Variants in FLYWCH1 observed in about 807,000 individuals in gnomAD.
The protein encoded by FLYWCH1 is FLYWCH-type zinc finger 1, also known as FLYWCH-type zinc finger-containing protein 1.
In FLYWCH1, 75 loss-of-function variants were observed where a neutral mutation model predicts 66.4. The ratio of observed to expected loss-of-function variants is 1.13; its 90% CI spans 0.94 to 1.37. The LOEUF is 1.37. Among genes scored for constraint, FLYWCH1 ranks in the 40% most tolerant of loss-of-function variants. FLYWCH1 has a pLI of 0.00. For missense variants in FLYWCH1, 1,334 were observed against 1,001.8 expected (o/e 1.33, Z -4.48); for synonymous variants, 595 against 429.9 (o/e 1.38, Z -4.75).
At chr16:2,934,556 C>A in intron 6 of FLYWCH1, 1 of 443,180 alleles carries the variant, frequency 2.3e-6, no homozygotes, top group South Asian at 1.6e-5. Flanking sequence ...TAGCGTCTGG[C>A]TGAGGAGCCA....
intron 9 of FLYWCH1, among the ~76,000 whole-genome samples, chr16:2,946,851 G>A (rs1471093730): frequency 6.6e-6 from 1 of 152,142 alleles, no homozygotes; most frequent in African/African-American, 2.4e-5. Flanking sequence ...CAGCTAACAA[G>A]TGTTGGTGAC....
intron 2 of FLYWCH1, among the ~76,000 whole-genome samples, chr16:2,922,059 A>T (rs981166484): frequency 6.6e-6 from 1 of 152,046 alleles, no homozygotes; most frequent in African/African-American, 2.4e-5. Flanking sequence ...TGACAGAGTT[A>T]AAAAAAAGAA....
chr16:2,933,825 G>C lies in FLYWCH1; in HGVS notation c.1359G>C (p.Arg453=). ...AAGEKVYWTC[R]DQARMGCRSR... Reference sequence around the variant, plus strand: ...GGGAGAAGGTGTATTGGACCTGCCGGGACCAGGCCCGCATGGGCTGCCGCA... The same window carrying C: ...GGGAGAAGGTGTATTGGACCTGCCGCGACCAGGCCCGCATGGGCTGCCGCA... Residue 453 remains arginine, a synonymous_variant, in exon 6 of 10, where the codon CGG becomes CGC. Transcript: ENST00000253928. 1.2e-6 allele frequency: 2 copies of C among 1,609,234 alleles called. No homozygotes were observed. Among genetic ancestry groups the C allele is most frequent in the Non-Finnish European group, 1.7e-6 (2 of 1,178,238 alleles).
At position 2,929,830 on chromosome 16, in the gene FLYWCH1, G is replaced by C; in HGVS notation, c.145G>C (p.Asp49His). The change falls in exon 3 of 10, where the codon GAC (aspartate) becomes CAC (histidine). Residue 49 changes from aspartate to histidine, a missense_variant. Coordinates refer to ENST00000253928, the MANE Select transcript of FLYWCH1 (RefSeq NM_001308068.2). ...FSKLVLLTAS[D>H]QDEDGVGSKP... ...CAAACTGGTGCTGCTCACAGCCTCC[G>C]ACCAAGATGAGGATGGGGTGGGATC... 1 of 1,613,934 alleles carries C rather than the reference G, an allele frequency of 6.2e-7. No individual in the cohort carries two copies. Among genetic ancestry groups the C allele is most frequent in the East Asian group, 2.2e-5 (1 of 44,884 alleles).
chr16:2,948,983 A>G lies in FLYWCH1; in HGVS notation c.*256A>G, dbSNP rs926356651. 1.6e-5 allele frequency: 8 copies of G among 512,340 alleles called. No individual in the cohort carries two copies. Among genetic ancestry groups the G allele is most frequent in the African/African-American group, 1.4e-4 (7 of 51,726 alleles). The allele number at this position is 512,340 out of a possible 1,614,324, so 31.7% of individuals were successfully genotyped here. On this transcript the variant is annotated 3_prime_UTR_variant, in exon 10 of 10. Coordinates refer to ENST00000253928, the MANE Select transcript of FLYWCH1 (RefSeq NM_001308068.2). Reference sequence around the variant, plus strand: ...GGGGCAGGGCGGTGGCGCCTTCCTGACCTTTGGAAGACATGACAAAGCTGC... The same window carrying G: ...GGGGCAGGGCGGTGGCGCCTTCCTGGCCTTTGGAAGACATGACAAAGCTGC...
At chr16:2,919,535 A>T (rs1475545532) in intron 2 of FLYWCH1, among the ~76,000 whole-genome samples, 1 of 152,044 alleles carries the variant, frequency 6.6e-6, no homozygotes, top group Non-Finnish European at 1.5e-5. Flanking sequence ...AAGTGCTGGG[A>T]TTACAGGCGT....
At chr16:2,941,130 G>A (rs755687572) in intron 9 of FLYWCH1, among the ~76,000 whole-genome samples, 20 of 152,064 alleles carry the variant, frequency 1.3e-4, no homozygotes, top group Admixed American at 9.2e-4. Context: ...TCAGAAATAC[G>A]TAGAAATTAA....
Position 2,930,005 on chromosome 16 carries a change from A to G in FLYWCH1, c.320A>G (p.Asp107Gly), listed in dbSNP as rs146665306. The G allele has an allele frequency of 6.4e-3, 10,302 of 1,602,656 alleles. 47 individuals are homozygous for G. The highest frequency in any genetic ancestry group is 8.0e-3 in the Non-Finnish European group (9,370 of 1,171,562). The part of the protein sequence containing the change: ...EMPEQKCSKL[D>G]AAAPQSLEFL... ...CCTGAACAGAAGTGCAGCAAGCTGGATGCAGGTGAGGTGTGGCTTCCCGCC... is the reference window on the plus strand; with the variant it reads ...CCTGAACAGAAGTGCAGCAAGCTGGGTGCAGGTGAGGTGTGGCTTCCCGCC... Residue 107 changes from aspartate (D) to glycine (G), a missense_variant, in exon 3 of 10, where the codon GAT becomes GGT. By Grantham distance (94) the Asp-to-Gly change is moderately conservative. Coordinates refer to ENST00000253928, the MANE Select transcript of FLYWCH1 (RefSeq NM_001308068.2).
At chr16:2,940,689 G>A (rs543072795) in intron 9 of FLYWCH1, among the ~76,000 whole-genome samples, 15 of 152,196 alleles carry the variant, frequency 9.9e-5, no homozygotes, top group Non-Finnish European at 1.2e-4. Context: ...CTCCTGTCTC[G>A]GGTCTCCCGA....
chr16:2,933,059 G>T, intron 4 of FLYWCH1, 71 bp from the exon 5 acceptor site: 1 of 1,368,238 alleles, frequency 7.3e-7, no homozygotes. Flanking sequence ...AGCCCCCACA[G>T]TCTGCAGGGG....
rs1217472344 is a variant in FLYWCH1, at chr16:2,936,092, T to A, written c.1514-1029T>A. On this transcript the variant is annotated intron_variant, in intron 6 of 9. Coordinates refer to ENST00000253928, the MANE Select transcript of FLYWCH1 (RefSeq NM_001308068.2). ...GCCCAGCTAATTTTTTGTATTTTTTTAGTAGAGATGGGGTTTCACCATGTT... is the reference window on the plus strand; with the variant it reads ...GCCCAGCTAATTTTTTGTATTTTTTAAGTAGAGATGGGGTTTCACCATGTT... The A allele has an allele frequency of 5.1e-5, 13 of 252,908 alleles. No individual in the cohort carries two copies. In the South Asian group the frequency reaches 5.3e-4, roughly 10 times the overall value. The allele number at this position is 252,908 out of a possible 1,614,324, so 15.7% of individuals were successfully genotyped here.
chr16:2,947,799 AAC>A (rs1451326929), intron 9 of FLYWCH1, among the ~76,000 whole-genome samples: 1 of 151,410 alleles, frequency 6.6e-6, no homozygotes, highest in Non-Finnish European at 1.5e-5. Context: ...ACAGTACTAA[AAC>A]AGAACCTGAT....
At chr16:2,945,857 C>T (rs756395486) in intron 9 of FLYWCH1, among the ~76,000 whole-genome samples, 4 of 151,814 alleles carry the variant, frequency 2.6e-5, no homozygotes, top group African/African-American at 4.8e-5. Context: ...ATTAGCCGAG[C>T]GTGGTGGCAG....
At chr16:2,914,581 T>G (rs957729369) in intron 2 of FLYWCH1, among the ~76,000 whole-genome samples, 1 of 152,160 alleles carries the variant, frequency 6.6e-6, no homozygotes, top group Non-Finnish European at 1.5e-5. Flanking sequence ...TCTGCCGGCC[T>G]GTGCTCCATT....
rs1407147232 is a variant in FLYWCH1, at chr16:2,934,054, T to C, written c.1513+75T>C. 20 of 1,425,896 alleles carry C rather than the reference T, an allele frequency of 1.4e-5. No individual in the cohort carries two copies. In the East Asian group the frequency reaches 2.8e-4, roughly 20 times the overall value. 88.3% of individuals were successfully genotyped at this position (1,425,896 alleles called of 1,614,324 possible). A position where few individuals can be genotyped will look rare whatever the true frequency, so the allele number is the denominator to read the frequency against. On this transcript the variant is annotated intron_variant, in intron 6 of 9. Transcript: ENST00000253928. ...CCACACTGCCTTTCCCTCTCCATGC[T>C]GCGGCTCCCCCTGGCAAACGTCCTC...
At chr16:2,913,994 G>A (rs74005520) in intron 1 of FLYWCH1, among the ~76,000 whole-genome samples, 182 bp from the exon 2 acceptor site, 5 of 152,270 alleles carry the variant, frequency 3.3e-5, no homozygotes, top group African/African-American at 1.2e-4. Context: ...ACAGGTGTGA[G>A]CCACCGTGCC....
chr16:2,945,504 A>AC (rs1390316773), intron 9 of FLYWCH1, among the ~76,000 whole-genome samples: 5 of 144,356 alleles, frequency 3.5e-5, no homozygotes, highest in African/African-American at 7.7e-5. Flanking sequence ...AAAAAAAAAA[A>AC]AATTAGCCAG....
intron 9 of FLYWCH1, among the ~76,000 whole-genome samples, chr16:2,945,555 C>G (rs1435685907): frequency 1.4e-5 from 2 of 147,548 alleles, no homozygotes; most frequent in Non-Finnish European, 3.0e-5. Context: ...ACTTGGGAAG[C>G]TGAGGCTGCA....
chr16:2,938,362 C>A lies in FLYWCH1; in HGVS notation c.1956C>A (p.Val652=). ...TAACCCAGGGCCACCGCATCATGGT[C>A]ATGCGCAGCCACTGCCATCAGCCTG... ...RAITQGHRIM[V]MRSHCHQPDL... Residue 652 remains valine, a synonymous_variant, in exon 8 of 10, where the codon GTC becomes GTA. Coordinates refer to ENST00000253928, the MANE Select transcript of FLYWCH1 (RefSeq NM_001308068.2). 1 of 1,589,806 alleles carries A rather than the reference C, an allele frequency of 6.3e-7. No homozygotes were observed. The highest frequency in any genetic ancestry group is 8.6e-7 in the Non-Finnish European group (1 of 1,166,806).
Sources: gnomAD v4.1 joint callset for allele counts (sites outside exome capture counted in the v4.1 genomes callset) on GRCh38, gnomAD v4.1.1 for gene constraint, MANE v1.5 for transcripts, NCBI Gene and HGNC (gene_info 2026-07-23, HGNC 2026-07-21) for gene names.